AGBL4: variants seen among roughly 807,000 people sequenced by gnomAD.
The protein encoded by AGBL4 is AGBL carboxypeptidase 4, also known as cytosolic carboxypeptidase 6.
Under a neutral mutation model 66.4 loss-of-function variants are expected in AGBL4, and 58 were observed. That is an observed-to-expected ratio of 0.87 (90% CI 0.71 to 1.09). AGBL4 has a LOEUF of 1.09. AGBL4 is among the 50% of genes least tolerant of loss of function. AGBL4 has a pLI of 0.00. For missense variants in AGBL4, 579 were observed against 631.0 expected (o/e 0.92, Z 0.88); for synonymous variants, 234 against 222.9 (o/e 1.05, Z -0.44).
Position 49,665,005 on chromosome 1 carries a change from C to G in AGBL4, c.282+32308G>C, listed in dbSNP as rs138452919. ...TGTAATGCAGAAGTGATTTGGAAAC[C>G]TTAGTAACTATATTACTTTGGTAGA... On this transcript the variant is annotated intron_variant, in intron 3 of 13. Coordinates refer to ENST00000371839, the MANE Select transcript of AGBL4 (RefSeq NM_032785.4). Among the ~76,000 whole-genome samples the G allele has an allele frequency of 4.6e-5, 7 of 152,172 alleles. No individual in the cohort carries two copies. In the East Asian group the frequency reaches 1.2e-3, roughly 25 times the overall value.
rs1377545579 is a variant in AGBL4, at chr1:48,701,584, C to T, written c.635-38343G>A. On this transcript the variant is annotated intron_variant, in intron 6 of 13. Coordinates refer to ENST00000371839, the MANE Select transcript of AGBL4 (RefSeq NM_032785.4). ...GCCTCTGAGTAACTGGAGCTACAGG[C>T]ACACACAGCCACATCCAACCCAGGT... is the stretch of plus-strand genomic sequence containing the variant. 3.3e-5 allele frequency among the ~76,000 whole-genome samples: 5 copies of T among 152,248 alleles called. No individual in the cohort carries two copies. The East Asian group carries it at 9.7e-4, about 29-fold the overall frequency.
chr1:48,892,837 T>C (rs1487177045), intron 5 of AGBL4, among the ~76,000 whole-genome samples: 1 of 152,234 alleles, frequency 6.6e-6, no homozygotes, highest in Non-Finnish European at 1.5e-5. Flanking sequence ...CCCTTTTCTT[T>C]TTTAAAATCT....
chr1:49,064,059 T>C (rs1194803191), intron 4 of AGBL4, among the ~76,000 whole-genome samples: 1 of 152,180 alleles, frequency 6.6e-6, no homozygotes, highest in East Asian at 1.9e-4. Context: ...ATTTGTAAAA[T>C]GGGAATGGTA....
chr1:50,018,303 A>C (rs1348207117), intron 1 of AGBL4, among the ~76,000 whole-genome samples: 1 of 152,186 alleles, frequency 6.6e-6, no homozygotes, highest in Non-Finnish European at 1.5e-5. Context: ...AAGTTTTAAA[A>C]AAGAGAAATT....
chr1:49,124,780 A>G (rs1410103201), intron 4 of AGBL4, among the ~76,000 whole-genome samples: 1 of 152,196 alleles, frequency 6.6e-6, no homozygotes, highest in Non-Finnish European at 1.5e-5. Context: ...CTATCTCTGA[A>G]ATTTAATTTC....
intron 5 of AGBL4, among the ~76,000 whole-genome samples, chr1:48,947,846 C>T (rs1365571330): frequency 6.6e-6 from 1 of 151,324 alleles, no homozygotes; most frequent in Non-Finnish European, 1.5e-5. Flanking sequence ...TTTTTTCTCT[C>T]TCTCTTTTTG....
intron 4 of AGBL4, among the ~76,000 whole-genome samples, chr1:49,073,398 G>A (rs1037806266): frequency 2.6e-5 from 4 of 152,086 alleles, no homozygotes; most frequent in African/African-American, 9.7e-5. Context: ...TCTACCTTTG[G>A]TCTTTGATGT....
chr1:48,718,204 C>T (rs759848074), intron 6 of AGBL4, among the ~76,000 whole-genome samples: 1 of 152,188 alleles, frequency 6.6e-6, no homozygotes, highest in Non-Finnish European at 1.5e-5. Context: ...TTTGATTGGC[C>T]AACACTGGAA....
intron 3 of AGBL4, among the ~76,000 whole-genome samples, chr1:49,337,291 T>A (rs1451835257): frequency 6.6e-6 from 1 of 152,148 alleles, no homozygotes; most frequent in East Asian, 1.9e-4. Context: ...CAAGCAGAGA[T>A]CTGCAGACAG....
At chr1:49,916,400 G>A (rs551850870) in intron 1 of AGBL4, among the ~76,000 whole-genome samples, 1 of 152,256 alleles carries the variant, frequency 6.6e-6, no homozygotes, top group South Asian at 2.1e-4. Flanking sequence ...TGATCTGATG[G>A]AGCTGAAAAC....
rs148343298 is a variant in AGBL4, at chr1:48,755,187, C to T, written c.635-91946G>A. Among the ~76,000 whole-genome samples, 237 of 152,264 alleles carry T rather than the reference C, an allele frequency of 1.6e-3. 1 individual carries two copies. Among genetic ancestry groups the T allele is most frequent in the Non-Finnish European group, 2.2e-3 (152 of 68,012 alleles). On this transcript the variant is annotated intron_variant, in intron 6 of 13. Transcript: ENST00000371839. ...TTCTGACCCCAACCTTTCCAAGGTG[C>T]GCCATTACAACTCCTGGCTGCTGAC... is the stretch of plus-strand genomic sequence containing the variant.
intron 3 of AGBL4, among the ~76,000 whole-genome samples, chr1:49,560,052 C>T (rs763274198): frequency 1.3e-5 from 2 of 152,008 alleles, no homozygotes; most frequent in Non-Finnish European, 2.9e-5. Context: ...TGAATATCTA[C>T]CTCTTCAATG....
intron 4 of AGBL4, among the ~76,000 whole-genome samples, chr1:49,076,788 C>A (rs930595199): frequency 1.3e-5 from 2 of 152,140 alleles, no homozygotes; most frequent in Admixed American, 6.5e-5. Flanking sequence ...TTAAAAGCTT[C>A]CCACAGTGCT....
rs11205628 is a variant in AGBL4, at chr1:49,505,662, C to G, written c.282+191651G>C. Among the ~76,000 whole-genome samples, 661 of 152,018 alleles carry G rather than the reference C, an allele frequency of 4.3e-3. 7 individuals carry two copies. Among genetic ancestry groups the G allele is most frequent in the African/African-American group, 0.015 (619 of 41,524 alleles). ...TTTCTCTTGCTGTTTTCAGGATTCT[C>G]TTTTGTCTTTGATTTTTCACAGTCT... On this transcript the variant is annotated intron_variant, in intron 3 of 13. Coordinates refer to ENST00000371839, the MANE Select transcript of AGBL4 (RefSeq NM_032785.4).
intron 2 of AGBL4, among the ~76,000 whole-genome samples, chr1:49,799,806 T>C (rs1644816550): frequency 6.6e-6 from 1 of 152,116 alleles, no homozygotes; most frequent in African/African-American, 2.4e-5. Context: ...ATTATCTCCT[T>C]GAGTTTCTAG....
chr1:49,733,033 T>A (rs1649574743), intron 2 of AGBL4, among the ~76,000 whole-genome samples: 1 of 151,216 alleles, frequency 6.6e-6, no homozygotes, highest in Non-Finnish European at 1.5e-5. Context: ...AGGAAAAAAA[T>A]TAAAAAGGGG....
chr1:48,853,028 T>C (rs1647067871), intron 6 of AGBL4, among the ~76,000 whole-genome samples: 1 of 152,172 alleles, frequency 6.6e-6, no homozygotes, highest in Non-Finnish European at 1.5e-5. Flanking sequence ...TAGGACATTA[T>C]AGAAATGATA....
At chr1:48,863,829 C>G (rs1422112694) in intron 6 of AGBL4, among the ~76,000 whole-genome samples, 1 of 151,792 alleles carries the variant, frequency 6.6e-6, no homozygotes, top group Non-Finnish European at 1.5e-5. Flanking sequence ...AAGTGTGACA[C>G]AAAACTTGAG....
At chr1:49,896,375 A>G (rs144257309) in intron 1 of AGBL4, among the ~76,000 whole-genome samples, 78 of 152,142 alleles carry the variant, frequency 5.1e-4, no homozygotes, top group African/African-American at 1.8e-3. Flanking sequence ...CACTGTAAAC[A>G]ACATGAAACT....
Sources: allele counts gnomAD v4.1 joint callset (sites outside exome capture counted in the v4.1 genomes callset), GRCh38; gene constraint gnomAD v4.1.1; transcripts MANE v1.5; gene names NCBI Gene and HGNC (gene_info 2026-07-23, HGNC 2026-07-21).